EXOC6B: variants seen among roughly 807,000 people sequenced by gnomAD.
EXOC6B encodes the protein exocyst complex component 6B.
Under a neutral mutation model 113.5 loss-of-function variants are expected in EXOC6B, and 54 were observed. The observed-to-expected ratio is 0.48, with a 90% CI of 0.38 to 0.60. The LOEUF is 0.60. Ranked by LOEUF, EXOC6B falls within the 20% of genes least tolerant of loss-of-function variation. The pLI is 0.00. For synonymous variants in EXOC6B, 357 were observed against 339.0 expected, an observed-to-expected ratio of 1.05 and a Z score of -0.58; for missense variants, 797 against 977.5, an observed-to-expected ratio of 0.82 and a Z score of 2.46.
chr2:72,263,937 A>G (rs6729219), intron 20 of EXOC6B, among the ~76,000 whole-genome samples: 3 of 152,042 alleles, frequency 2.0e-5, no homozygotes, highest in Admixed American at 6.5e-5. Flanking sequence ...AGCCAGCCAG[A>G]CAGGCAGGCA....
intron 8 of EXOC6B, among the ~76,000 whole-genome samples, chr2:72,557,739 T>C (rs1375824718): frequency 2.0e-5 from 3 of 152,056 alleles, no homozygotes; most frequent in African/African-American, 7.2e-5. Flanking sequence ...AAATAATCTA[T>C]ACAACAAACC....
chr2:72,440,610 C>A (rs1696143637), intron 18 of EXOC6B, among the ~76,000 whole-genome samples: 1 of 152,274 alleles, frequency 6.6e-6, no homozygotes, highest in East Asian at 1.9e-4. Flanking sequence ...CACTATAAAG[C>A]AACCACATAA....
At chr2:72,250,931 T>C (rs764756926) in intron 20 of EXOC6B, among the ~76,000 whole-genome samples, 7 of 152,052 alleles carry the variant, frequency 4.6e-5, no homozygotes, top group Non-Finnish European at 1.0e-4. Context: ...CACTGCAGCC[T>C]CTGCCTCCTG....
At chr2:72,513,595 A>G (rs1323326788) in intron 10 of EXOC6B, among the ~76,000 whole-genome samples, 1 of 151,992 alleles carries the variant, frequency 6.6e-6, no homozygotes, top group Non-Finnish European at 1.5e-5. Context: ...CCAGCCATCA[A>G]TGCATTTCAA....
intron 1 of EXOC6B, among the ~76,000 whole-genome samples, chr2:72,762,889 C>G (rs934146195): frequency 2.0e-5 from 3 of 151,690 alleles, no homozygotes; most frequent in Non-Finnish European, 4.4e-5. Context: ...TTAATGATAA[C>G]TCAAAGATCA....
chr2:72,686,795 T>C (rs1677117209), intron 6 of EXOC6B, among the ~76,000 whole-genome samples: 1 of 152,128 alleles, frequency 6.6e-6, no homozygotes, highest in Non-Finnish European at 1.5e-5. Flanking sequence ...TGATATTCAA[T>C]ATGTCCTACA....
At chr2:72,255,944 T>C (rs1683328484) in intron 20 of EXOC6B, among the ~76,000 whole-genome samples, 1 of 152,238 alleles carries the variant, frequency 6.6e-6, no homozygotes, top group East Asian at 1.9e-4. Flanking sequence ...GTCCAAGTCA[T>C]AACCTCAGGT....
rs546253974 is a variant in EXOC6B at position 72,194,534 on chromosome 2, A to G, written c.2197-10347T>C. ...ACCCCTCAATCCCGGTCTTTAGACA[A>G]ATCCACTCTGCTCCCAATTGCTTGG... On this transcript the variant is annotated intron_variant, in intron 20 of 21. Transcript: ENST00000272427. Among the ~76,000 whole-genome samples the G allele has an allele frequency of 3.9e-4, 59 of 151,068 alleles. 2 individuals carry two copies. The South Asian group carries it at 0.012, about 30-fold the overall frequency.
intron 20 of EXOC6B, among the ~76,000 whole-genome samples, chr2:72,190,831 G>A (rs867689768): frequency 3.3e-5 from 5 of 152,110 alleles, no homozygotes; most frequent in Non-Finnish European, 7.4e-5. Flanking sequence ...TGTAAACTAG[G>A]TAAGTAAAGT....
intron 1 of EXOC6B, among the ~76,000 whole-genome samples, chr2:72,791,667 C>A (rs1366389559): frequency 1.3e-5 from 2 of 152,150 alleles, no homozygotes; most frequent in Non-Finnish European, 2.9e-5. Flanking sequence ...GATGTGAGAA[C>A]AAATGATGTG....
intron 18 of EXOC6B, among the ~76,000 whole-genome samples, chr2:72,401,595 A>ATATG (rs1573036741): frequency 6.9e-5 from 3 of 43,606 alleles, no homozygotes; most frequent in Admixed American, 3.1e-4. Flanking sequence ...ATATATATAT[A>ATATG]TATATATGTG....
chr2:72,405,039 C>A (rs1435558305), intron 18 of EXOC6B, among the ~76,000 whole-genome samples: 2 of 152,116 alleles, frequency 1.3e-5, no homozygotes, highest in East Asian at 3.9e-4. Flanking sequence ...AAAACCATGG[C>A]ACAAGAACTA....
At chr2:72,418,270 C>T (rs1694656028) in intron 18 of EXOC6B, among the ~76,000 whole-genome samples, 1 of 152,154 alleles carries the variant, frequency 6.6e-6, no homozygotes, top group East Asian at 1.9e-4. Flanking sequence ...TCACCAACAT[C>T]CATCTCCATA....
intron 18 of EXOC6B, among the ~76,000 whole-genome samples, chr2:72,422,870 C>T (rs539733646): frequency 1.7e-4 from 26 of 151,018 alleles, no homozygotes; most frequent in African/African-American, 3.7e-4. Flanking sequence ...GGATTGTAAA[C>T]GCACCAATCA....
At chr2:72,221,542 C>T (rs1387313002) in intron 20 of EXOC6B, among the ~76,000 whole-genome samples, 6 of 152,138 alleles carry the variant, frequency 3.9e-5, no homozygotes, top group African/African-American at 1.4e-4. Flanking sequence ...TTCTACAGCA[C>T]TTATTTACAA....
chr2:72,249,790 T>C (rs759090567), intron 20 of EXOC6B, among the ~76,000 whole-genome samples: 1 of 152,216 alleles, frequency 6.6e-6, no homozygotes, highest in Non-Finnish European at 1.5e-5. Context: ...AAAATTATCT[T>C]CTTCTTTGGA....
chr2:72,459,689 C>T (rs1000031731), intron 18 of EXOC6B, among the ~76,000 whole-genome samples: 1 of 152,076 alleles, frequency 6.6e-6, no homozygotes. Flanking sequence ...CAAACCACTG[C>T]TCAAGGAAAT....
chr2:72,408,270 C>T (rs184959152), intron 18 of EXOC6B, among the ~76,000 whole-genome samples: 2 of 152,228 alleles, frequency 1.3e-5, no homozygotes, highest in East Asian at 1.9e-4. Flanking sequence ...GAATCAATAT[C>T]GTGAAAATGG....
chr2:72,406,086 A>G (rs1207424484), intron 18 of EXOC6B, among the ~76,000 whole-genome samples: 5 of 152,208 alleles, frequency 3.3e-5, no homozygotes, highest in Non-Finnish European at 7.3e-5. Context: ...TAAACCAACA[A>G]AGATCAAAAG....
Sources: gnomAD v4.1 joint callset for allele counts (sites outside exome capture counted in the v4.1 genomes callset) on GRCh38, gnomAD v4.1.1 for gene constraint, MANE v1.5 for transcripts, NCBI Gene and HGNC (gene_info 2026-07-23, HGNC 2026-07-21) for gene names.